The following HDAC9 variants were observed in gnomAD, a reference collection of about 807,000 sequenced individuals.
HDAC9 encodes histone deacetylase 9.
Under a neutral mutation model 139.4 loss-of-function variants are expected in HDAC9, and 41 were observed. That is an observed-to-expected ratio of 0.29 (90% CI 0.23 to 0.38). The LOEUF is 0.38. Ranked by LOEUF, HDAC9 falls within the 10% of genes least tolerant of loss-of-function variation. The pLI is 1.00. For synonymous variants in HDAC9, 517 were observed against 476.2 expected (o/e 1.09, Z -1.12); for missense variants, 1,147 against 1,297.0 (o/e 0.88, Z 1.78).
intron 25 of HDAC9, among the ~76,000 whole-genome samples, chr7:18,987,701 C>G (rs1407472190): frequency 6.6e-6 from 1 of 151,916 alleles, no homozygotes; most frequent in East Asian, 1.9e-4. Context: ...TGGTCCTGGA[C>G]TCTTTTTGGT....
At chr7:18,149,637 G>A (rs1324562280) in intron 1 of HDAC9, among the ~76,000 whole-genome samples, 2 of 151,658 alleles carry the variant, frequency 1.3e-5, no homozygotes, top group South Asian at 2.1e-4. Context: ...TGCAGGCTTC[G>A]CCTCCCGGGT....
chr7:18,597,797 C>T (rs1832885773), intron 6 of HDAC9, among the ~76,000 whole-genome samples: 1 of 152,102 alleles, frequency 6.6e-6, no homozygotes, highest in South Asian at 2.1e-4. Context: ...AGTTAGCTGG[C>T]TAGATTAACC....
At chr7:18,983,329 TTTTC>T (rs1418519485) in intron 25 of HDAC9, among the ~76,000 whole-genome samples, 1 of 152,174 alleles carries the variant, frequency 6.6e-6, no homozygotes, top group Non-Finnish European at 1.5e-5. Context: ...ATATGCCACA[TTTTC>T]TTTATCCACT....
intron 1 of HDAC9, among the ~76,000 whole-genome samples, chr7:18,486,645 G>A (rs550115350): frequency 1.3e-5 from 2 of 152,172 alleles, no homozygotes; most frequent in South Asian, 2.1e-4. Context: ...AAATGGAAAT[G>A]TTTTAAGTAA....
intron 1 of HDAC9, among the ~76,000 whole-genome samples, chr7:18,324,139 A>G (rs938177897): frequency 6.6e-6 from 1 of 152,110 alleles, no homozygotes; most frequent in African/African-American, 2.4e-5. Context: ...CATTCAATCT[A>G]TATCTCCAAA....
rs528795325 is a variant in HDAC9, at chr7:18,188,588, A to G, written c.25+26239A>G. ...TACAGAATGGGAGAAAATTTTTGCA[A>G]TCTACCCATCTGACAAAGGTCTAAT... is the stretch of plus-strand genomic sequence containing the variant. On this transcript the variant is annotated intron_variant, in intron 2 of 12. Coordinates refer to the HDAC9 transcript ENST00000417496. 1.2e-4 allele frequency among the ~76,000 whole-genome samples: 19 copies of G among 152,354 alleles called. No individual in the cohort carries two copies. In the South Asian group the frequency reaches 2.3e-3, roughly 18 times the overall value.
chr7:18,943,439 A>G (rs773144796), intron 23 of HDAC9, among the ~76,000 whole-genome samples: 3 of 151,934 alleles, frequency 2.0e-5, no homozygotes, highest in Non-Finnish European at 4.4e-5. Flanking sequence ...TTTTAGGTTT[A>G]TTTTTAATTA....
intron 1 of HDAC9, among the ~76,000 whole-genome samples, chr7:18,160,304 T>G (rs768917928): frequency 6.6e-5 from 10 of 152,236 alleles, no homozygotes; most frequent in Admixed American, 1.3e-4. Context: ...GAATCAAGAA[T>G]GTATCAAGAG....
At chr7:18,204,508 T>C (rs1791358748) in intron 2 of HDAC9, among the ~76,000 whole-genome samples, 1 of 152,024 alleles carries the variant, frequency 6.6e-6, no homozygotes. Context: ...TTAACAATAA[T>C]GTATGGGTTT....
intron 1 of HDAC9, among the ~76,000 whole-genome samples, chr7:18,311,651 T>C (rs1241269802): frequency 2.0e-5 from 3 of 152,152 alleles, no homozygotes; most frequent in South Asian, 4.1e-4. Context: ...TCGCTCATAG[T>C]ACTATATTCT....
chr7:18,338,593 C>G (rs1781761468), intron 1 of HDAC9, among the ~76,000 whole-genome samples: 1 of 151,510 alleles, frequency 6.6e-6, no homozygotes, highest in African/African-American at 2.4e-5. Flanking sequence ...AATATGGCAT[C>G]TTTTATTTAT....
At chr7:18,827,738 A>AT (rs1237068884) in intron 17 of HDAC9, among the ~76,000 whole-genome samples, 17 of 152,146 alleles carry the variant, frequency 1.1e-4, no homozygotes, top group Non-Finnish European at 2.4e-4. Flanking sequence ...TTTACATGCT[A>AT]ATTATATTCT....
chr7:18,603,602 C>A (rs950835220), intron 6 of HDAC9, among the ~76,000 whole-genome samples: 4 of 151,924 alleles, frequency 2.6e-5, no homozygotes, highest in African/African-American at 9.7e-5. Flanking sequence ...CCCTTTTATT[C>A]TTTATATTGC....
At chr7:18,939,383 A>T (rs1263687835) in intron 23 of HDAC9, among the ~76,000 whole-genome samples, 1 of 152,196 alleles carries the variant, frequency 6.6e-6, no homozygotes, top group Non-Finnish European at 1.5e-5. Flanking sequence ...GTTAAGAAAA[A>T]GAAAGATTAT....
intron 6 of HDAC9, among the ~76,000 whole-genome samples, chr7:18,602,603 C>T (rs774879380): frequency 2.0e-5 from 3 of 151,884 alleles, no homozygotes; most frequent in Non-Finnish European, 4.4e-5. Context: ...TGCCTCTAGG[C>T]ACTGCTTTTA....
chr7:18,341,563 A>G (rs1298340226), intron 1 of HDAC9, among the ~76,000 whole-genome samples: 2 of 151,598 alleles, frequency 1.3e-5, no homozygotes, highest in African/African-American at 2.4e-5. Flanking sequence ...GACAGGTTAT[A>G]GTTTCATCTC....
chr7:18,162,080 TAG>T, intron 1 of HDAC9: 1 of 487,474 alleles, frequency 2.1e-6, no homozygotes, highest in Non-Finnish European at 3.7e-6. Flanking sequence ...GATGAAGACT[TAG>T]AGACCTGTAA....
intron 1 of HDAC9, among the ~76,000 whole-genome samples, chr7:18,407,634 G>A (rs1039699017): frequency 6.6e-6 from 1 of 152,152 alleles, no homozygotes; most frequent in Non-Finnish European, 1.5e-5. Flanking sequence ...TTACAATGCA[G>A]TTTGAATTCT....
chr7:18,147,229 A>G (rs1786407334), intron 1 of HDAC9, among the ~76,000 whole-genome samples: 1 of 152,108 alleles, frequency 6.6e-6, no homozygotes, highest in African/African-American at 2.4e-5. Context: ...GCCTCTTTGG[A>G]GACATGCAGA....
Sources: allele counts gnomAD v4.1 joint callset (sites outside exome capture counted in the v4.1 genomes callset), GRCh38; gene constraint gnomAD v4.1.1; transcripts MANE v1.5; gene names NCBI Gene and HGNC (gene_info 2026-07-23, HGNC 2026-07-21).